PRIM2: variants seen among roughly 807,000 people sequenced by gnomAD.
The protein encoded by PRIM2 is DNA primase subunit 2.
A neutral mutation model predicts 67.3 loss-of-function variants in PRIM2; 39 were observed. That is an observed-to-expected ratio of 0.58 (90% CI 0.45 to 0.76). The LOEUF is 0.76. Among genes scored for constraint, PRIM2 ranks in the 30% least tolerant of loss-of-function variants. The probability of loss-of-function intolerance (pLI) is 0.00; values close to 1 mark genes in which losing one functional copy is unlikely to be tolerated. For synonymous variants in PRIM2, 143 were observed against 198.7 expected (o/e 0.72, Z 2.36); for missense variants, 398 against 598.7 (o/e 0.66, Z 3.50).
At chr6:57,385,866 C>G (rs1208179317) in intron 7 of PRIM2, among the ~76,000 whole-genome samples, 1 of 151,508 alleles carries the variant, frequency 6.6e-6, no homozygotes, top group Non-Finnish European at 1.5e-5. Flanking sequence ...GATTTTGATT[C>G]AGCCCAATTC....
intron 7 of PRIM2, among the ~76,000 whole-genome samples, chr6:57,448,720 C>G (rs1772438513): frequency 6.6e-6 from 1 of 152,022 alleles, no homozygotes; most frequent in South Asian, 2.1e-4. Flanking sequence ...TTGGAGTTGG[C>G]AGAAAGGAAT....
At chr6:57,530,707 CCTTTTTTTTTTT>C (rs1395998292) in intron 8 of PRIM2, among the ~76,000 whole-genome samples, 1 of 151,682 alleles carries the variant, frequency 6.6e-6, no homozygotes, top group Non-Finnish European at 1.5e-5. Context: ...GAAATCTGTA[CCTTTTTTTTTTT>C]CTTTTTTTTG....
At chr6:57,517,518 T>A (rs1263556253) in intron 8 of PRIM2, among the ~76,000 whole-genome samples, 3 of 152,198 alleles carry the variant, frequency 2.0e-5, no homozygotes, top group Non-Finnish European at 4.4e-5. Context: ...GAACTGAATT[T>A]TAAATTTTAT....
At chr6:57,533,502 A>G (rs1357352692) in intron 9 of PRIM2, among the ~76,000 whole-genome samples, 38 of 152,350 alleles carry the variant, frequency 2.5e-4, no homozygotes, top group Non-Finnish European at 4.7e-4. Context: ...TATGTCTAGA[A>G]ATAACAGTAG....
the PRIM2 span, among the ~76,000 whole-genome samples, chr6:57,285,448 T>G: frequency 2.6e-5 from 4 of 152,140 alleles, no homozygotes; most frequent in Admixed American, 2.6e-4. Flanking sequence ...TTCATCCCTG[T>G]GATGCAAGGC....
chr6:57,548,925 T>TAA (rs1243718392), intron 10 of PRIM2, among the ~76,000 whole-genome samples: 1 of 142,210 alleles, frequency 7.0e-6, no homozygotes. Flanking sequence ...CATTAACTAA[T>TAA]AAAAAAAAAA....
intron 10 of PRIM2, among the ~76,000 whole-genome samples, chr6:57,555,742 C>T (rs1775502065): frequency 6.6e-6 from 1 of 152,000 alleles, no homozygotes; most frequent in South Asian, 2.1e-4. Context: ...ATGGGCCATA[C>T]CACAAACACT....
At chr6:57,354,510 C>G (rs9367729) in intron 5 of PRIM2, among the ~76,000 whole-genome samples, 18,341 of 149,242 alleles carry the variant, frequency 0.12, 1,281 homozygotes, top group African/African-American at 0.18. Flanking sequence ...ATAAACTCAC[C>G]GTTTCACCTT....
intron 8 of PRIM2, among the ~76,000 whole-genome samples, chr6:57,525,095 C>T (rs1235892942): frequency 1.3e-5 from 2 of 150,456 alleles, no homozygotes; most frequent in Non-Finnish European, 2.9e-5. Context: ...TGTGTTTTTT[C>T]TCTAACCTAA....
chr6:57,611,027 G>A (rs1289881197), intron 12 of PRIM2, among the ~76,000 whole-genome samples: 1 of 152,082 alleles, frequency 6.6e-6, no homozygotes, highest in Non-Finnish European at 1.5e-5. Flanking sequence ...CAAAAGATTG[G>A]AAAAGAAGAA....
chr6:57,369,417 A>G (rs905702231), intron 5 of PRIM2, among the ~76,000 whole-genome samples: 1 of 152,254 alleles, frequency 6.6e-6, no homozygotes, highest in African/African-American at 2.4e-5. Flanking sequence ...TTTTTACTTG[A>G]TAAAAAACTA....
At chr6:57,546,534 TTTTC>T (rs1415099442) in intron 10 of PRIM2, among the ~76,000 whole-genome samples, 12 of 152,098 alleles carry the variant, frequency 7.9e-5, no homozygotes, top group Non-Finnish European at 1.5e-4. Context: ...TCTTCCATTA[TTTTC>T]TTTATTTTTA....
rs1770174259 is a variant in PRIM2, at chr6:57,386,905, G to A, written c.693+4737G>A. ...GGTAGAGGATGAAATAAATGGTTCT[G>A]GGGGAAGTTGTAAATTGATGAGAGT... On this transcript the variant is annotated intron_variant, in intron 7 of 13. Coordinates refer to ENST00000615550, the MANE Select transcript of PRIM2 (RefSeq NM_000947.5). Among the ~76,000 whole-genome samples, 3 of 152,096 alleles carry A rather than the reference G, an allele frequency of 2.0e-5. No homozygotes were observed. In the South Asian group the frequency reaches 6.2e-4, roughly 32 times the overall value.
intron 7 of PRIM2, among the ~76,000 whole-genome samples, chr6:57,503,527 T>C (rs1368855181): frequency 6.6e-6 from 1 of 152,104 alleles, no homozygotes; most frequent in African/African-American, 2.4e-5. Context: ...GGCGGGTGGA[T>C]CACTTGAGGT....
At chr6:57,557,284 T>A (rs1342527028) in intron 10 of PRIM2, among the ~76,000 whole-genome samples, 1 of 149,454 alleles carries the variant, frequency 6.7e-6, no homozygotes, top group African/African-American at 2.5e-5. Flanking sequence ...ATAAGAGGAA[T>A]ATAAATCATT....
At chr6:57,617,137 A>G (rs1218437212) in intron 12 of PRIM2, among the ~76,000 whole-genome samples, 1 of 152,164 alleles carries the variant, frequency 6.6e-6, no homozygotes, top group African/African-American at 2.4e-5. Flanking sequence ...ATCTGTTCCC[A>G]CGTTTTTCCC....
At chr6:57,476,687 C>T (rs1773485195) in intron 7 of PRIM2, among the ~76,000 whole-genome samples, 1 of 152,030 alleles carries the variant, frequency 6.6e-6, no homozygotes, top group African/African-American at 2.4e-5. Context: ...TGTAGGCCAC[C>T]CTGACTCATT....
intron 7 of PRIM2, among the ~76,000 whole-genome samples, chr6:57,385,084 TAG>T (rs1770095015): frequency 6.6e-6 from 1 of 152,186 alleles, no homozygotes; most frequent in African/African-American, 2.4e-5. Context: ...TATTCCAGTG[TAG>T]AAAGAAGGAT....
chr6:57,591,034 A>C (rs1776273710), intron 10 of PRIM2, among the ~76,000 whole-genome samples: 1 of 152,158 alleles, frequency 6.6e-6, no homozygotes, highest in Admixed American at 6.6e-5. Context: ...TGGGGCCTCC[A>C]CATCTCCTTT....
Sources: gnomAD v4.1 joint callset for allele counts (sites outside exome capture counted in the v4.1 genomes callset) on GRCh38, gnomAD v4.1.1 for gene constraint, MANE v1.5 for transcripts, NCBI Gene and HGNC (gene_info 2026-07-23, HGNC 2026-07-21) for gene names.